ARHGAP32: variants seen among roughly 807,000 people sequenced by gnomAD.
The protein encoded by ARHGAP32 is Rho GTPase activating protein 32, also known as rho GTPase-activating protein 32.
Under a neutral mutation model 186.5 loss-of-function variants are expected in ARHGAP32, and 51 were observed. That is an observed-to-expected ratio of 0.27 (90% CI 0.22 to 0.35). The LOEUF is 0.35. ARHGAP32 is among the 10% of genes least tolerant of loss of function. The pLI is 1.00. For synonymous variants in ARHGAP32, 950 were observed against 964.3 expected, an observed-to-expected ratio of 0.99 and a Z score of 0.27; for missense variants, 2,186 against 2,623.5, an observed-to-expected ratio of 0.83 and a Z score of 3.64.
chr11:129,049,226 A>C (rs998303307), intron 10 of ARHGAP32, among the ~76,000 whole-genome samples: 1 of 152,208 alleles, frequency 6.6e-6, no homozygotes, highest in South Asian at 2.1e-4. Flanking sequence ...GCTAGGAAAG[A>C]GAATAAAACC....
At chr11:129,013,575 C>T (rs1460971319) in intron 11 of ARHGAP32, among the ~76,000 whole-genome samples, 3 of 152,148 alleles carry the variant, frequency 2.0e-5, no homozygotes, top group African/African-American at 7.2e-5. Flanking sequence ...TTCTGGCATA[C>T]ATAATTAAAT....
chr11:129,129,569 G>A (rs1313422989), intron 2 of ARHGAP32, among the ~76,000 whole-genome samples: 2 of 152,252 alleles, frequency 1.3e-5, no homozygotes, highest in Non-Finnish European at 2.9e-5. Flanking sequence ...CCATGATGAC[G>A]ACGGCGGTTT....
rs1203170053 is a variant in ARHGAP32, at chr11:129,018,216, TAAC to T, written c.1046-19751_1046-19749del. 2.0e-5 allele frequency among the ~76,000 whole-genome samples: 3 copies of T among 152,056 alleles called. No individual in the cohort carries two copies. The East Asian group carries it at 5.8e-4, about 29-fold the overall frequency. On this transcript the variant is annotated intron_variant, in intron 11 of 22. Coordinates refer to ENST00000682385, the MANE Select transcript of ARHGAP32 (RefSeq NM_001378024.1). ...AAAGGCAAGTGGCAATTTAAAAAAA[TAAC>T]AGCCTTAAGCCAGGGCAAAGTTCCG...
chr11:129,053,789 A>G (rs1448728281), intron 10 of ARHGAP32, among the ~76,000 whole-genome samples: 1 of 152,166 alleles, frequency 6.6e-6, no homozygotes, highest in Non-Finnish European at 1.5e-5. Context: ...CCTTCTCTTG[A>G]AATTATGTCA....
At chr11:129,084,708 T>C (rs1941327043) in intron 6 of ARHGAP32, among the ~76,000 whole-genome samples, 1 of 152,190 alleles carries the variant, frequency 6.6e-6, no homozygotes. Context: ...TCATACTTAA[T>C]GGTGACAAAC....
intron 2 of ARHGAP32, among the ~76,000 whole-genome samples, chr11:129,128,663 C>T (rs1230050509): frequency 3.4e-5 from 5 of 148,774 alleles, no homozygotes; most frequent in Non-Finnish European, 7.4e-5. Flanking sequence ...GCCGCCATCT[C>T]GGCTCACTGC....
chr11:129,193,499 A>AT (rs1242161315), upstream of ARHGAP32, among the ~76,000 whole-genome samples: 991 of 64,344 alleles, frequency 0.015, 91 homozygotes, highest in African/African-American at 0.036. Context: ...AAAAAAAAAA[A>AT]ATATATATAT....
chr11:129,152,920 C>T (rs934884628), intron 2 of ARHGAP32, among the ~76,000 whole-genome samples: 13 of 151,984 alleles, frequency 8.6e-5, no homozygotes, highest in Admixed American at 5.9e-4. Context: ...TAAAGGTGTC[C>T]AAATCAGTAA....
intron 5 of ARHGAP32, among the ~76,000 whole-genome samples, chr11:129,104,314 G>C (rs1016395985): frequency 6.6e-6 from 1 of 152,020 alleles, no homozygotes; most frequent in African/African-American, 2.4e-5. Flanking sequence ...ATTTAATTAT[G>C]AAAGATGAAA....
At chr11:129,233,214 A>AT in intron 1 of ARHGAP32, among the ~76,000 whole-genome samples, 1 of 152,262 alleles carries the variant, frequency 6.6e-6, no homozygotes, top group Non-Finnish European at 1.5e-5. Context: ...AGATGATATG[A>AT]TGTCAGGGAT....
chr11:129,039,755 C>T (rs1245715389), intron 11 of ARHGAP32, among the ~76,000 whole-genome samples: 2 of 152,026 alleles, frequency 1.3e-5, no homozygotes, highest in Admixed American at 6.6e-5. Context: ...TAAAATAACG[C>T]CGTATTTTTA....
chr11:129,070,584 C>CA (rs1477471151), intron 6 of ARHGAP32, among the ~76,000 whole-genome samples: 2 of 151,902 alleles, frequency 1.3e-5, no homozygotes, highest in Non-Finnish European at 2.9e-5. Flanking sequence ...GTTTATGTTG[C>CA]AATGTCTTAT....
At chr11:129,073,189 T>G (rs1267438662) in intron 6 of ARHGAP32, among the ~76,000 whole-genome samples, 1 of 152,022 alleles carries the variant, frequency 6.6e-6, no homozygotes, top group Non-Finnish European at 1.5e-5. Context: ...CCACCTTATG[T>G]CCACCTTCAA....
chr11:129,092,267 TAAGAAA>T (rs1247198350), intron 6 of ARHGAP32, among the ~76,000 whole-genome samples: 1 of 151,840 alleles, frequency 6.6e-6, no homozygotes, highest in Non-Finnish European at 1.5e-5. Flanking sequence ...GCTTTGTTCA[TAAGAAA>T]AAGAACATTT....
intron 5 of ARHGAP32, among the ~76,000 whole-genome samples, chr11:129,094,909 G>T (rs1040179779): frequency 1.3e-5 from 2 of 152,122 alleles, no homozygotes; most frequent in Non-Finnish European, 2.9e-5. Flanking sequence ...AAGTTTGTGG[G>T]TATTAAATGA....
intron 11 of ARHGAP32, among the ~76,000 whole-genome samples, chr11:129,001,665 G>A (rs150424789): frequency 1.3e-5 from 2 of 152,172 alleles, no homozygotes; most frequent in East Asian, 3.9e-4. Flanking sequence ...CTCGTCTGGT[G>A]TTACTCAACA....
At chr11:129,228,888 C>T (rs1340311461) in intron 1 of ARHGAP32, among the ~76,000 whole-genome samples, 3 of 150,976 alleles carry the variant, frequency 2.0e-5, no homozygotes, top group African/African-American at 5.0e-5. Context: ...AAAAAGATAA[C>T]AAAATTGGCA....
chr11:128,973,483 T>C (rs1403726674), intron 21 of ARHGAP32, 51 bp from the exon 22 acceptor site: 2 of 1,586,786 alleles, frequency 1.3e-6, no homozygotes, highest in South Asian at 2.3e-5. Context: ...GCTTACGTTA[T>C]CCTAAATGGA....
At chr11:129,136,097 T>G (rs1023203980) in intron 2 of ARHGAP32, among the ~76,000 whole-genome samples, 1 of 151,942 alleles carries the variant, frequency 6.6e-6, no homozygotes, top group Admixed American at 6.6e-5. Context: ...GTGCCCATAA[T>G]AGATAAAGAA....
Sources: gnomAD v4.1 joint callset for allele counts (sites outside exome capture counted in the v4.1 genomes callset) on GRCh38, gnomAD v4.1.1 for gene constraint, MANE v1.5 for transcripts, NCBI Gene and HGNC (gene_info 2026-07-23, HGNC 2026-07-21) for gene names.